Variants in NPSR1 observed in about 807,000 individuals in gnomAD.
The protein encoded by NPSR1 is neuropeptide S receptor 1, also known as neuropeptide S receptor.
Under a neutral mutation model 46.9 loss-of-function variants are expected in NPSR1, and 48 were observed. That is an observed-to-expected ratio of 1.02 (90% CI 0.81 to 1.30). NPSR1 has a LOEUF of 1.30. Ranked by LOEUF, NPSR1 falls within the 50% of genes most tolerant of loss-of-function variation. The pLI is 0.00. For missense variants in NPSR1, 450 were observed against 449.5 expected (o/e 1.00, Z -0.01); for synonymous variants, 176 against 168.1 (o/e 1.05, Z -0.36).
chr7:34,692,936 T>C (rs1007734519), intron 2 of NPSR1, among the ~76,000 whole-genome samples: 4 of 152,188 alleles, frequency 2.6e-5, no homozygotes, highest in African/African-American at 9.6e-5. Flanking sequence ...CCCCCCGTGT[T>C]GGAGGTAGGG....
At chr7:34,830,489 G>A (rs12111600) in intron 5 of NPSR1, among the ~76,000 whole-genome samples, 41,089 of 151,798 alleles carry the variant, frequency 0.27, 5,892 homozygotes, top group South Asian at 0.37. Flanking sequence ...AAGTAATTGC[G>A]GACTTTGCCA....
intron 5 of NPSR1, among the ~76,000 whole-genome samples, chr7:34,832,691 CTT>C (rs1240711823): frequency 6.6e-6 from 1 of 152,154 alleles, no homozygotes; most frequent in African/African-American, 2.4e-5. Flanking sequence ...AGAGGGGTGA[CTT>C]AGGCCCAAAT....
intron 2 of NPSR1, among the ~76,000 whole-genome samples, chr7:34,767,470 G>A (rs1046609028): frequency 6.6e-6 from 1 of 152,148 alleles, no homozygotes; most frequent in Non-Finnish European, 1.5e-5. Flanking sequence ...AATCACAATA[G>A]TAATTCACAG....
chr7:34,667,257 G>A (rs1791798085), intron 1 of NPSR1, among the ~76,000 whole-genome samples: 1 of 152,226 alleles, frequency 6.6e-6, no homozygotes, highest in Admixed American at 6.5e-5. Context: ...TCTGCCCTGG[G>A]TACAGAACAA....
chr7:34,745,172 G>A (rs1367960226), intron 2 of NPSR1, among the ~76,000 whole-genome samples: 1 of 152,120 alleles, frequency 6.6e-6, no homozygotes, highest in East Asian at 1.9e-4. Flanking sequence ...CACTACCATA[G>A]TGCCTCTTTC....
At chr7:34,697,682 T>C (rs1297904814) in intron 2 of NPSR1, among the ~76,000 whole-genome samples, 1 of 151,922 alleles carries the variant, frequency 6.6e-6, no homozygotes, top group Non-Finnish European at 1.5e-5. Context: ...TGTATTGTTA[T>C]TTTATACTTT....
intron 3 of NPSR1, among the ~76,000 whole-genome samples, chr7:34,805,148 T>C (rs1348600046): frequency 2.6e-5 from 4 of 151,744 alleles, no homozygotes; most frequent in Admixed American, 2.6e-4. Flanking sequence ...CCAATCAAAG[T>C]CCCAACGAGA....
chr7:34,679,160 A>G (rs1191618977), intron 1 of NPSR1, among the ~76,000 whole-genome samples: 1 of 152,214 alleles, frequency 6.6e-6, no homozygotes, highest in African/African-American at 2.4e-5. Context: ...ACAAATTAAA[A>G]TAAAAACACA....
intron 2 of NPSR1, among the ~76,000 whole-genome samples, chr7:34,777,025 A>T (rs1294043598): frequency 6.6e-6 from 1 of 152,052 alleles, no homozygotes; most frequent in East Asian, 1.9e-4. Context: ...AGCTGTGAGA[A>T]TTGCAGCCTG....
intron 6 of NPSR1, among the ~76,000 whole-genome samples, chr7:34,841,897 T>C (rs1790577450): frequency 6.6e-6 from 1 of 152,204 alleles, no homozygotes; most frequent in Non-Finnish European, 1.5e-5. Flanking sequence ...TGAAAGAATA[T>C]AATTTGGTCT....
intron 8 of NPSR1, among the ~76,000 whole-genome samples, chr7:34,862,534 A>G (rs1457642943): frequency 6.6e-6 from 1 of 151,750 alleles, no homozygotes. Context: ...CTCTCTATCT[A>G]AAATACCTAG....
intron 2 of NPSR1, among the ~76,000 whole-genome samples, chr7:34,701,556 A>G (rs1346839209): frequency 6.6e-6 from 1 of 152,176 alleles, no homozygotes; most frequent in Non-Finnish European, 1.5e-5. Context: ...TAATATTAAA[A>G]TGAATATGCC....
At chr7:34,686,862 A>C (rs1293734839) in intron 2 of NPSR1, among the ~76,000 whole-genome samples, 2 of 149,552 alleles carry the variant, frequency 1.3e-5, no homozygotes, top group Non-Finnish European at 3.0e-5. Context: ...TTAAGAGCAA[A>C]TATTTCATTT....
At chr7:34,703,394 A>G (rs1262485923) in intron 2 of NPSR1, among the ~76,000 whole-genome samples, 1 of 136,756 alleles carries the variant, frequency 7.3e-6, no homozygotes, top group Non-Finnish European at 1.6e-5. Flanking sequence ...AAATAAATAA[A>G]TAAATAAATA....
chr7:34,671,650 C>T (rs1792064699), intron 1 of NPSR1, among the ~76,000 whole-genome samples: 1 of 152,200 alleles, frequency 6.6e-6, no homozygotes, highest in South Asian at 2.1e-4. Flanking sequence ...AACCACCCAA[C>T]TTAGATGCAC....
chr7:34,872,062 T>C (rs1380379503), intron 8 of NPSR1, among the ~76,000 whole-genome samples: 1 of 151,992 alleles, frequency 6.6e-6, no homozygotes, highest in Non-Finnish European at 1.5e-5. Context: ...GGCTCCACCC[T>C]GCAACAGGCT....
At chr7:34,791,002 T>TTATATTATATATCA (rs1184327207) in intron 3 of NPSR1, among the ~76,000 whole-genome samples, 6 of 122,468 alleles carry the variant, frequency 4.9e-5, no homozygotes, top group African/African-American at 1.4e-4. Flanking sequence ...ATGTTATATG[T>TTATATTATATATCA]TATATGTTAT....
intron 1 of NPSR1, among the ~76,000 whole-genome samples, chr7:34,662,554 T>A (rs932280009): frequency 6.6e-6 from 1 of 152,210 alleles, no homozygotes; most frequent in Non-Finnish European, 1.5e-5. Flanking sequence ...ACGAGAGGTC[T>A]TGCATTTACA....
intron 4 of NPSR1, among the ~76,000 whole-genome samples, chr7:34,820,744 C>A (rs1789514848): frequency 6.6e-6 from 1 of 152,134 alleles, no homozygotes; most frequent in Non-Finnish European, 1.5e-5. Flanking sequence ...GTGGGCGAAG[C>A]TTCCAGATTA....
Sources: allele counts gnomAD v4.1 joint callset (sites outside exome capture counted in the v4.1 genomes callset), GRCh38; gene constraint gnomAD v4.1.1; transcripts MANE v1.5; gene names NCBI Gene and HGNC (gene_info 2026-07-23, HGNC 2026-07-21).